NMBR: variants seen among roughly 807,000 people sequenced by gnomAD.
The protein encoded by NMBR is neuromedin-B receptor.
A neutral mutation model predicts 20.5 loss-of-function variants in NMBR; 16 were observed. The observed-to-expected ratio is 0.78, with a 90% confidence interval of 0.53 to 1.19. The LOEUF (loss-of-function observed/expected upper bound fraction) is 1.19. Ranked by LOEUF, NMBR falls within the 50% of genes most tolerant of loss-of-function variation. The probability of loss-of-function intolerance (pLI) is 0.00; values close to 1 mark genes in which losing one functional copy is unlikely to be tolerated. For synonymous variants in NMBR, 212 were observed against 196.6 expected (o/e 1.08, Z -0.65); for missense variants, 582 against 499.1 (o/e 1.17, Z -1.58).
At chr6:142,082,350 A>G (rs1777116623) in intron 2 of NMBR, among the ~76,000 whole-genome samples, 1 of 152,204 alleles carries the variant, frequency 6.6e-6, no homozygotes, top group African/African-American at 2.4e-5. Context: ...CTGAGCAACA[A>G]GGAGATCCTT....
intron 1 of NMBR, among the ~76,000 whole-genome samples, chr6:142,126,023 T>C (rs1778029799): frequency 6.6e-6 from 1 of 151,844 alleles, no homozygotes; most frequent in Admixed American, 6.6e-5. Context: ...ACTGAAACTT[T>C]CTAGTCTTTG....
At chr6:142,096,613 A>C (rs1279781846) in intron 1 of NMBR, among the ~76,000 whole-genome samples, 1 of 152,170 alleles carries the variant, frequency 6.6e-6, no homozygotes, top group Non-Finnish European at 1.5e-5. Flanking sequence ...ATTTTGGAAT[A>C]GGTGTGGTGT....
intron 1 of NMBR, among the ~76,000 whole-genome samples, chr6:142,103,039 G>A (rs1056092634): frequency 2.0e-5 from 3 of 152,114 alleles, no homozygotes; most frequent in Non-Finnish European, 2.9e-5. Context: ...GTTGTAAATG[G>A]GTGTACAGTT....
intron 1 of NMBR, among the ~76,000 whole-genome samples, chr6:142,117,113 C>T (rs1235161422): frequency 2.6e-5 from 4 of 151,886 alleles, no homozygotes; most frequent in Non-Finnish European, 1.5e-5. Flanking sequence ...ATGATAAGGT[C>T]ACTGAAGGTC....
At chr6:142,113,594 T>C (rs888206198) in intron 1 of NMBR, among the ~76,000 whole-genome samples, 1 of 152,178 alleles carries the variant, frequency 6.6e-6, no homozygotes. Flanking sequence ...AGTGATTCCA[T>C]GTATCTGAAT....
Position 142,074,526 on chromosome 6 carries a change from G to T in NMBR, c.*1122C>A, listed in dbSNP as rs867765071. Among the ~76,000 whole-genome samples, 11 of 152,156 alleles carry T rather than the reference G, an allele frequency of 7.2e-5. No individual in the cohort carries two copies. The highest frequency in any genetic ancestry group is 1.0e-4 in the Non-Finnish European group (7 of 67,986). ...TTTATTGATACATGCTTTTAAAAATGGTAGCTTTTAAACTGTAATCAATAC... is the reference window on the plus strand; with the variant it reads ...TTTATTGATACATGCTTTTAAAAATTGTAGCTTTTAAACTGTAATCAATAC... On this transcript the variant is annotated 3_prime_UTR_variant, in exon 4 of 4. Coordinates refer to ENST00000258042, the MANE Select transcript of NMBR (RefSeq NM_002511.4).
At chr6:142,126,536 T>TAGAG (rs1778041126) in intron 1 of NMBR, among the ~76,000 whole-genome samples, 1 of 151,936 alleles carries the variant, frequency 6.6e-6, no homozygotes, top group African/African-American at 2.4e-5. Flanking sequence ...CAACAGTGTG[T>TAGAG]ACAAGTGCTC....
chr6:142,138,816 A>G (rs1373490048), intron 1 of NMBR, among the ~76,000 whole-genome samples: 1 of 152,054 alleles, frequency 6.6e-6, no homozygotes, highest in Non-Finnish European at 1.5e-5. Flanking sequence ...ATCCTGTTGG[A>G]TGCCAATTAT....
At chr6:142,134,405 A>G (rs1042555730) in intron 1 of NMBR, 38 of 452,372 alleles carry the variant, frequency 8.4e-5, no homozygotes, top group African/African-American at 7.5e-4. Flanking sequence ...TAAGACACAT[A>G]TAAGATTTTT....
In NMBR at chr6:142,088,735, T is replaced by A; in HGVS notation, c.-77A>T. 1.5e-6 allele frequency: 2 copies of A among 1,308,532 alleles called. No individual in the cohort carries two copies. Among genetic ancestry groups the A allele is most frequent in the Non-Finnish European group, 2.1e-6 (2 of 956,108 alleles). 81.1% of individuals were successfully genotyped at this position (1,308,532 alleles called of 1,614,324 possible). ...GAGGACTGAACGCCCACGATTTAGG[T>A]TTAATCGATGTCCCTCCCTCTCGCC... On this transcript the variant is annotated 5_prime_UTR_variant, in exon 2 of 4. Coordinates refer to ENST00000258042, the MANE Select transcript of NMBR (RefSeq NM_002511.4).
intron 1 of NMBR, among the ~76,000 whole-genome samples, chr6:142,116,301 G>A (rs780349501): frequency 4.6e-5 from 7 of 151,528 alleles, no homozygotes; most frequent in Admixed American, 2.6e-4. Flanking sequence ...TACCCACATC[G>A]ACACAAAAAT....
intron 1 of NMBR, among the ~76,000 whole-genome samples, chr6:142,127,589 A>G (rs1778061923): frequency 6.6e-6 from 1 of 152,002 alleles, no homozygotes; most frequent in Non-Finnish European, 1.5e-5. Context: ...TAGTGTGGAC[A>G]CTTTAATAAT....
At position 142,074,550 on chromosome 6, in the gene NMBR, A is replaced by G. The variant is rs1219262787; in HGVS notation, c.*1098T>C. Among the ~76,000 whole-genome samples the G allele has an allele frequency of 6.6e-6, 1 of 152,188 alleles. No homozygotes were observed. Among genetic ancestry groups the G allele is most frequent in the Non-Finnish European group, 1.5e-5 (1 of 68,018 alleles). ...TGGTAGCTTTTAAACTGTAATCAAT[A>G]CATTTGCATTTTCCTAAAAAAAGAA... On this transcript the variant is annotated 3_prime_UTR_variant, in exon 4 of 4. Transcript: ENST00000258042.
chr6:142,098,931 C>T (rs761831574), intron 1 of NMBR, among the ~76,000 whole-genome samples: 16 of 152,072 alleles, frequency 1.1e-4, no homozygotes, highest in Non-Finnish European at 2.1e-4. Flanking sequence ...GTAATCAAAA[C>T]AGTATGGATA....
chr6:142,137,262 G>A (rs889600050), intron 1 of NMBR, among the ~76,000 whole-genome samples: 4 of 152,146 alleles, frequency 2.6e-5, no homozygotes, highest in Non-Finnish European at 4.4e-5. Context: ...AAGCAATTGT[G>A]AATGGGAGTT....
intron 2 of NMBR, among the ~76,000 whole-genome samples, chr6:142,087,465 G>A (rs1310680270): frequency 6.6e-6 from 1 of 152,046 alleles, no homozygotes. Context: ...TTTCCTCCCT[G>A]GTCTTCCATT....
intron 1 of NMBR, among the ~76,000 whole-genome samples, chr6:142,093,940 A>G (rs1777389172): frequency 2.0e-5 from 3 of 150,114 alleles, no homozygotes; most frequent in Admixed American, 6.6e-5. Flanking sequence ...TTTTGGCTGC[A>G]TAAATGTGTT....
chr6:142,133,929 G>A, intron 1 of NMBR: 1 of 702,434 alleles, frequency 1.4e-6, no homozygotes, highest in Non-Finnish European at 2.6e-6. Context: ...GGGGTGCTAG[G>A]CTTTGCAGTT....
chr6:142,106,354 G>T (rs1217933900), intron 1 of NMBR, among the ~76,000 whole-genome samples: 1 of 152,092 alleles, frequency 6.6e-6, no homozygotes, highest in Non-Finnish European at 1.5e-5. Flanking sequence ...ACCTCATCAT[G>T]TCCACCTATC....
Sources: gnomAD v4.1 joint callset for allele counts (sites outside exome capture counted in the v4.1 genomes callset) on GRCh38, gnomAD v4.1.1 for gene constraint, MANE v1.5 for transcripts, NCBI Gene and HGNC (gene_info 2026-07-23, HGNC 2026-07-21) for gene names.